C2orf66: variants seen among roughly 807,000 people sequenced by gnomAD.
The protein encoded by C2orf66 is chromosome 2 open reading frame 66.
C2orf66 carries 6 observed loss-of-function variants against 7.0 expected under a neutral mutation model. That is an observed-to-expected ratio of 0.86 (90% CI 0.47 to 1.69). The LOEUF is 1.69. Among genes scored for constraint, C2orf66 ranks in the 40% most tolerant of loss-of-function variants. The pLI, the probability that C2orf66 is intolerant of heterozygous loss-of-function variation, is 0.01. For synonymous variants in C2orf66, 38 were observed against 43.8 expected (o/e 0.87, Z 0.52); for missense variants, 107 against 112.0 (o/e 0.96, Z 0.20).
chr2:196,807,254 A>G (rs190591599), intron 2 of C2orf66, among the ~76,000 whole-genome samples, 170 bp downstream of exon 2: 57 of 152,358 alleles, frequency 3.7e-4, no homozygotes, highest in Admixed American at 1.6e-3. Context: ...ACAAGACTGT[A>G]AAATACCTGA....
the C2orf66 span, among the ~76,000 whole-genome samples, chr2:196,830,082 T>G: frequency 6.6e-6 from 1 of 152,206 alleles, no homozygotes; most frequent in Non-Finnish European, 1.5e-5. Flanking sequence ...TGTTCTATAA[T>G]AAAATCGGAA....
the C2orf66 span, among the ~76,000 whole-genome samples, chr2:196,825,462 G>A: frequency 6.6e-6 from 1 of 152,096 alleles, no homozygotes; most frequent in Non-Finnish European, 1.5e-5. Flanking sequence ...CACACACAAG[G>A]TTACTGGATA....
the C2orf66 span, among the ~76,000 whole-genome samples, chr2:196,827,194 G>A: frequency 7.5e-5 from 11 of 146,342 alleles, no homozygotes; most frequent in African/African-American, 2.5e-4. Context: ...AGCCATGATC[G>A]TGCCACTGTA....
chr2:196,808,405 A>C (rs1021164617), intron 1 of C2orf66, among the ~76,000 whole-genome samples: 1 of 152,172 alleles, frequency 6.6e-6, no homozygotes, highest in Non-Finnish European at 1.5e-5. Flanking sequence ...AATTGCCATG[A>C]CATTTGTAAA....
At chr2:196,821,928 C>CTTTTT in the C2orf66 span, among the ~76,000 whole-genome samples, 243 of 32,286 alleles carry the variant, frequency 7.5e-3, 85 homozygotes, top group East Asian at 0.016. Flanking sequence ...AACCAGTGAG[C>CTTTTT]TTTTTTTTTT....
At chr2:196,812,195 AT>A (rs1559312738), upstream of C2orf66, among the ~76,000 whole-genome samples, 1 of 152,220 alleles carries the variant, frequency 6.6e-6, no homozygotes, top group Non-Finnish European at 1.5e-5. Context: ...CTGGAATTGT[AT>A]TACATCACTC....
upstream of C2orf66, among the ~76,000 whole-genome samples, chr2:196,813,887 G>T (rs143581913): frequency 2.8e-3 from 423 of 152,162 alleles, 3 homozygotes; most frequent in African/African-American, 9.6e-3. Flanking sequence ...ATCTCACACC[G>T]GTTAGAATGG....
chr2:196,809,185 T>C (rs765400978), intron 1 of C2orf66, 29 bp downstream of exon 1: 1 of 1,606,852 alleles, frequency 6.2e-7, no homozygotes, highest in East Asian at 2.2e-5. Context: ...AGTTCTATCC[T>C]GAAACCCAGG....
the C2orf66 span, among the ~76,000 whole-genome samples, chr2:196,828,041 T>C: frequency 0.025 from 3,741 of 152,214 alleles, 154 homozygotes; most frequent in African/African-American, 0.085. Context: ...TTTGAGTTAG[T>C]CATTACTCTT....
the C2orf66 span, among the ~76,000 whole-genome samples, chr2:196,821,848 A>G: frequency 2.1e-5 from 3 of 145,976 alleles, no homozygotes; most frequent in Admixed American, 1.4e-4. Flanking sequence ...AATTCTTTAG[A>G]TATTTTGGGA....
the C2orf66 span, among the ~76,000 whole-genome samples, chr2:196,826,113 C>T: frequency 6.6e-6 from 1 of 152,082 alleles, no homozygotes; most frequent in Admixed American, 6.5e-5. Flanking sequence ...AGCACTGACA[C>T]TTCTACTCCT....
At chr2:196,820,449 T>C in the C2orf66 span, among the ~76,000 whole-genome samples, 1 of 152,208 alleles carries the variant, frequency 6.6e-6, no homozygotes, top group Non-Finnish European at 1.5e-5. Context: ...TGGCTTACTA[T>C]CAAACTTTAA....
chr2:196,809,037 G>T (rs1161731402), intron 1 of C2orf66, among the ~76,000 whole-genome samples, 177 bp downstream of exon 1: 6 of 152,196 alleles, frequency 3.9e-5, no homozygotes. Flanking sequence ...ACTGGCCAGA[G>T]AAACAATAGG....
chr2:196,821,997 C>T, the C2orf66 span, among the ~76,000 whole-genome samples: 1 of 118,730 alleles, frequency 8.4e-6, no homozygotes, highest in African/African-American at 3.2e-5. Context: ...CTCACTGCAA[C>T]CTCCGCTCCT....
Position 196,804,467 on chromosome 2 carries a change from C to CA in C2orf66, c.*960dup, listed in dbSNP as rs35401308. On this transcript the variant is annotated 3_prime_UTR_variant, in exon 3 of 3. Transcript: ENST00000342506. ...TCATATACAATATCAATAATCCACCCAAAAAAGCCACATTAAAATATTTTG... is the reference window on the plus strand; with the variant it reads ...TCATATACAATATCAATAATCCACCCAAAAAAAGCCACATTAAAATATTTTG... 6.6e-6 allele frequency among the ~76,000 whole-genome samples: 1 copy of CA among 152,130 alleles called. No individual in the cohort carries two copies. The highest frequency in any genetic ancestry group is 2.4e-5 in the African/African-American group (1 of 41,410).
Position 196,809,295 on chromosome 2 carries a change from C to T in C2orf66, c.42G>A (p.Val14=), listed in dbSNP as rs996788885. ...TGGCTCCATTCACATGCCCAAGCAGCACCAGGGCAACACATAGTAGCAGGA... is the reference window on the plus strand; with the variant it reads ...TGGCTCCATTCACATGCCCAAGCAGTACCAGGGCAACACATAGTAGCAGGA... ...APLLLLCVAL[V]LLGHVNGATV... The change falls in exon 1 of 3, where the codon GTG becomes GTA. Residue 14 remains valine (V), a synonymous_variant. Coordinates refer to ENST00000342506, the MANE Select transcript of C2orf66 (RefSeq NM_213608.3). 36 of 1,613,948 alleles carry T rather than the reference C, an allele frequency of 2.2e-5. No individual in the cohort carries two copies. The highest frequency in any genetic ancestry group is 2.9e-5 in the Non-Finnish European group (34 of 1,179,982).
At chr2:196,820,446 C>T in the C2orf66 span, among the ~76,000 whole-genome samples, 1 of 152,272 alleles carries the variant, frequency 6.6e-6, no homozygotes, top group Non-Finnish European at 1.5e-5. Context: ...TTCTGGCTTA[C>T]TATCAAACTT....
At chr2:196,828,226 TCTCTCACACACA>T in the C2orf66 span, among the ~76,000 whole-genome samples, 29 of 132,764 alleles carry the variant, frequency 2.2e-4, no homozygotes, top group Non-Finnish European at 3.9e-4. Context: ...TCTCTCTCTC[TCTCTCACACACA>T]CACACACACA....
intron 1 of C2orf66, 69 bp from the exon 2 acceptor site, chr2:196,807,691 C>T: frequency 7.6e-7 from 1 of 1,311,530 alleles, no homozygotes; most frequent in South Asian, 1.3e-5. Context: ...TGTTTTTCTT[C>T]CCTCTATTTT....
Sources: gnomAD v4.1 joint callset for allele counts (sites outside exome capture counted in the v4.1 genomes callset) on GRCh38, gnomAD v4.1.1 for gene constraint, MANE v1.5 for transcripts, NCBI Gene and HGNC (gene_info 2026-07-23, HGNC 2026-07-21) for gene names.